Variants in ABL2 observed in about 807,000 individuals in gnomAD.
ABL2 encodes the protein tyrosine-protein kinase ABL2.
A neutral mutation model predicts 107.7 loss-of-function variants in ABL2; 49 were observed. The observed-to-expected ratio is 0.45, with a 90% CI of 0.36 to 0.58. ABL2 has a LOEUF of 0.58. Among genes scored for constraint, ABL2 ranks in the 20% least tolerant of loss-of-function variants. The probability of loss-of-function intolerance (pLI) is 0.00; values close to 1 mark genes in which losing one functional copy is unlikely to be tolerated. For missense variants in ABL2, 1,245 were observed against 1,457.0 expected (o/e 0.85, Z 2.37); for synonymous variants, 549 against 548.6 (o/e 1.00, Z -0.01).
At chr1:179,153,195 A>G (rs1453654798) in intron 1 of ABL2, among the ~76,000 whole-genome samples, 3 of 152,222 alleles carry the variant, frequency 2.0e-5, no homozygotes, top group African/African-American at 4.8e-5. Context: ...GTGCCGGATA[A>G]CAGAAATTTC....
At chr1:179,116,274 T>C (rs566960200) in intron 8 of ABL2, among the ~76,000 whole-genome samples, 1 of 152,212 alleles carries the variant, frequency 6.6e-6, no homozygotes, top group Non-Finnish European at 1.5e-5. Flanking sequence ...CTCTGGAGGC[T>C]GAGGCAGGAG....
intron 1 of ABL2, among the ~76,000 whole-genome samples, chr1:179,146,133 C>T (rs1360807430): frequency 6.6e-6 from 1 of 151,834 alleles, no homozygotes; most frequent in East Asian, 1.9e-4. Flanking sequence ...TTTAAAAGAC[C>T]ATTATTACAT....
intron 1 of ABL2, among the ~76,000 whole-genome samples, chr1:179,161,609 G>A (rs1219805231): frequency 6.6e-6 from 1 of 152,168 alleles, no homozygotes; most frequent in African/African-American, 2.4e-5. Flanking sequence ...TACTCTAGAG[G>A]CTGAGACAGG....
intron 1 of ABL2, among the ~76,000 whole-genome samples, chr1:179,147,681 C>T (rs1023561227): frequency 6.6e-6 from 1 of 152,070 alleles, no homozygotes; most frequent in Non-Finnish European, 1.5e-5. Flanking sequence ...ATGGACATAC[C>T]GAATGGAATA....
At chr1:179,110,251 A>C in intron 11 of ABL2, 31 bp downstream of exon 11, 1 of 1,613,336 alleles carries the variant, frequency 6.2e-7, no homozygotes, top group South Asian at 1.1e-5. Context: ...GGCAGTTTCT[A>C]TTTTGATTCT....
chr1:179,217,936 C>T (rs1662665394), intron 1 of ABL2, among the ~76,000 whole-genome samples: 1 of 152,108 alleles, frequency 6.6e-6, no homozygotes, highest in African/African-American at 2.4e-5. Context: ...TAGGCACCAG[C>T]ATATACCAAA....
intron 1 of ABL2, among the ~76,000 whole-genome samples, chr1:179,228,302 CCGCCATTGCACTCCATCA>C (rs1180889442): frequency 6.6e-6 from 1 of 151,688 alleles, no homozygotes; most frequent in Admixed American, 6.6e-5. Context: ...AGCCGACATC[CCGCCATTGCACTCCATCA>C]TGGGGACCAA....
intron 1 of ABL2, among the ~76,000 whole-genome samples, chr1:179,186,237 G>A (rs1054835174): frequency 2.0e-5 from 3 of 151,748 alleles, no homozygotes; most frequent in African/African-American, 4.8e-5. Flanking sequence ...AGAGGGAGAC[G>A]CTGTCTTAAA....
chr1:179,224,134 CAA>C (rs1181284107), intron 1 of ABL2, among the ~76,000 whole-genome samples: 1 of 34,508 alleles, frequency 2.9e-5, no homozygotes. Context: ...CTACTCACTA[CAA>C]AAAAAAAAAA....
In ABL2 at chr1:179,227,057, A is replaced by T. The variant is rs955834479; in HGVS notation, c.157+2184T>A. On this transcript the variant is annotated intron_variant, in intron 1 of 11. Coordinates refer to ENST00000502732, the MANE Select transcript of ABL2 (RefSeq NM_007314.4). ...ATTTCCACTGCCACCACTCAAGGCCAGTCTTTCAGGTAAAGACTAGCCAAT... is the reference window on the plus strand; with the variant it reads ...ATTTCCACTGCCACCACTCAAGGCCTGTCTTTCAGGTAAAGACTAGCCAAT... Among the ~76,000 whole-genome samples the T allele has an allele frequency of 4.6e-5, 7 of 152,360 alleles. No homozygotes were observed. The East Asian group carries it at 1.3e-3, about 29-fold the overall frequency.
intron 1 of ABL2, among the ~76,000 whole-genome samples, chr1:179,138,874 G>A (rs1417155044): frequency 4.6e-5 from 7 of 152,352 alleles, no homozygotes; most frequent in Middle Eastern, 6.8e-3. Flanking sequence ...GCTGCCTGCC[G>A]CGCTTGCGGG....
intron 11 of ABL2, among the ~76,000 whole-genome samples, 161 bp from the exon 12 acceptor site, chr1:179,109,602 T>C (rs578169864): frequency 2.2e-4 from 34 of 152,212 alleles, no homozygotes; most frequent in African/African-American, 8.2e-4. Flanking sequence ...TCACAGTGAC[T>C]GGTGTTCCAA....
intron 3 of ABL2, among the ~76,000 whole-genome samples, chr1:179,127,126 A>G (rs1226454306): frequency 6.6e-6 from 1 of 152,202 alleles, no homozygotes; most frequent in African/African-American, 2.4e-5. Context: ...TGAGATACAA[A>G]GTGACTTCTA....
At chr1:179,226,043 CAAAAAAAAAAAAA>C (rs1194438803) in intron 1 of ABL2, among the ~76,000 whole-genome samples, 11 of 45,690 alleles carry the variant, frequency 2.4e-4, no homozygotes, top group South Asian at 9.5e-4. Context: ...GACTCCGCCT[CAAAAAAAAAAAAA>C]AAAAAAAAAA....
chr1:179,212,314 T>G (rs1309643074), intron 1 of ABL2, among the ~76,000 whole-genome samples: 1 of 152,204 alleles, frequency 6.6e-6, no homozygotes, highest in Non-Finnish European at 1.5e-5. Flanking sequence ...GCTGAATATA[T>G]CAATCATTTA....
intron 1 of ABL2, among the ~76,000 whole-genome samples, chr1:179,223,072 T>C (rs956917405): frequency 2.2e-5 from 3 of 135,140 alleles, no homozygotes; most frequent in Non-Finnish European, 3.0e-5. Flanking sequence ...ATCGCGCCAC[T>C]GCACTCCAGG....
At chr1:179,199,860 G>A (rs1412510759) in intron 1 of ABL2, among the ~76,000 whole-genome samples, 1 of 149,958 alleles carries the variant, frequency 6.7e-6, no homozygotes, top group East Asian at 2.0e-4. Flanking sequence ...AGCCTCCCGA[G>A]CAGCTGGGAC....
intron 1 of ABL2, among the ~76,000 whole-genome samples, chr1:179,220,665 G>A (rs1178919691): frequency 6.6e-6 from 1 of 152,202 alleles, no homozygotes; most frequent in Non-Finnish European, 1.5e-5. Context: ...ACAGGTATGT[G>A]TTTTATAAGC....
chr1:179,121,830 G>A lies in ABL2; in HGVS notation c.725C>T (p.Ala242Val), dbSNP rs758123279. 15 of 1,613,638 alleles carry A rather than the reference G, an allele frequency of 9.3e-6. No individual in the cohort carries two copies. Among genetic ancestry groups the A allele is most frequent in the Non-Finnish European group, 7.6e-6 (9 of 1,179,976 alleles). ...TGTGGAGTGATGGTGTACAAGCTCT[G>A]CCAAGGTGCTGAAGCGGCTCTCAGC... ...VTAESRFSTL[A>V]ELVHHHSTVA... Residue 242 changes from alanine (A) to valine (V), a missense_variant, in exon 5 of 12, where the codon GCA (alanine) becomes GTA (valine). Physicochemically the swap from Ala to Val is moderately conservative, Grantham distance 64 (BLOSUM62 0). Coordinates refer to ENST00000502732, the MANE Select transcript of ABL2 (RefSeq NM_007314.4).
Sources: gnomAD v4.1 joint callset for allele counts (sites outside exome capture counted in the v4.1 genomes callset) on GRCh38, gnomAD v4.1.1 for gene constraint, MANE v1.5 for transcripts, NCBI Gene and HGNC (gene_info 2026-07-23, HGNC 2026-07-21) for gene names.